PPARGC1B: variants seen among roughly 807,000 people sequenced by gnomAD.
The protein encoded by PPARGC1B is peroxisome proliferator-activated receptor gamma coactivator 1-beta.
In PPARGC1B, 34 loss-of-function variants were observed where a neutral mutation model predicts 101.6. The observed-to-expected ratio is 0.33, with a 90% CI of 0.25 to 0.45. The LOEUF is 0.45. PPARGC1B is among the 20% of genes least tolerant of loss of function. PPARGC1B has a pLI of 1.00. For synonymous variants in PPARGC1B, 548 were observed against 539.3 expected (o/e 1.02, Z -0.22); for missense variants, 1,234 against 1,317.6 (o/e 0.94, Z 0.98).
intron 2 of PPARGC1B, among the ~76,000 whole-genome samples, chr5:149,821,755 G>T (rs150071219): frequency 2.0e-5 from 3 of 152,160 alleles, no homozygotes; most frequent in African/African-American, 7.2e-5. Context: ...GGACTTTACC[G>T]TCTGTAAACA....
At chr5:149,840,235 G>T in intron 9 of PPARGC1B, 119 bp downstream of exon 9, 2 of 863,042 alleles carry the variant, frequency 2.3e-6, no homozygotes, top group Non-Finnish European at 3.6e-6. Context: ...TTCGGCCTCT[G>T]CCTGGGGAAG....
At chr5:149,738,393 G>A (rs1754801670) in intron 1 of PPARGC1B, among the ~76,000 whole-genome samples, 1 of 152,186 alleles carries the variant, frequency 6.6e-6, no homozygotes, top group African/African-American at 2.4e-5. Flanking sequence ...TCCTCATTGA[G>A]TGAATGAATA....
At chr5:149,830,055 G>GAAAAAAAAAAAAAA in intron 3 of PPARGC1B, among the ~76,000 whole-genome samples, 1 of 89,816 alleles carries the variant, frequency 1.1e-5, no homozygotes, top group African/African-American at 4.4e-5. Context: ...AAAAAAAAAA[G>GAAAAAAAAAAAAAA]AAAAAAAAAA....
chr5:149,857,828 TAAA>T (rs1759996090), downstream of PPARGC1B: 2 of 152,224 alleles, frequency 1.3e-5, no homozygotes, highest in South Asian at 4.1e-4. Context: ...CTCATGTGTC[TAAA>T]AAGAGAGATT....
At position 149,851,447 on chromosome 5, in the gene PPARGC1B, A is replaced by G. The variant is rs1389593011; in HGVS notation, c.*3889A>G. The G allele has an allele frequency of 6.6e-6, 1 of 152,226 alleles. No individual in the cohort carries two copies. Among genetic ancestry groups the G allele is most frequent in the African/African-American group, 2.4e-5 (1 of 41,446 alleles). The allele number at this position is 152,226 out of a possible 1,614,324, so 9.4% of individuals were successfully genotyped here. A position where few individuals can be genotyped will look rare whatever the true frequency, so the allele number is the denominator to read the frequency against. ...AAAATCAGCCCCAGAGGATGTATTG[A>G]TCTGACTCACTGATGTCAAAATTGC... On this transcript the variant is annotated 3_prime_UTR_variant, in exon 12 of 12. Transcript: ENST00000309241.
intron 2 of PPARGC1B, among the ~76,000 whole-genome samples, chr5:149,820,950 A>G (rs1758271149): frequency 6.6e-6 from 1 of 152,246 alleles, no homozygotes; most frequent in South Asian, 2.1e-4. Flanking sequence ...CCTGCAAGAC[A>G]GGGTCCAGTA....
At chr5:149,796,635 A>G (rs1757226058) in intron 1 of PPARGC1B, among the ~76,000 whole-genome samples, 1 of 152,184 alleles carries the variant, frequency 6.6e-6, no homozygotes, top group South Asian at 2.1e-4. Context: ...TGTATGCACC[A>G]GTATGGTGGC....
At chr5:149,776,312 T>C (rs1400544891) in intron 1 of PPARGC1B, among the ~76,000 whole-genome samples, 1 of 152,232 alleles carries the variant, frequency 6.6e-6, no homozygotes, top group Non-Finnish European at 1.5e-5. Flanking sequence ...TTTTCCTATC[T>C]GCACTACAAA....
At chr5:149,813,998 G>C (rs752485776) in intron 1 of PPARGC1B, among the ~76,000 whole-genome samples, 1 of 152,140 alleles carries the variant, frequency 6.6e-6, no homozygotes, top group African/African-American at 2.4e-5. Context: ...CTCACCATGG[G>C]GGTAAGGATT....
chr5:149,809,961 T>C (rs1003463555), intron 1 of PPARGC1B, among the ~76,000 whole-genome samples: 1 of 151,872 alleles, frequency 6.6e-6, no homozygotes, highest in African/African-American at 2.4e-5. Flanking sequence ...GAGAAGGCGT[T>C]CCAGGCTGAG....
At position 149,837,870 on chromosome 5, in the gene PPARGC1B, T is replaced by G. The variant is rs963937207; in HGVS notation, c.2618+797T>G. Among the ~76,000 whole-genome samples the G allele has an allele frequency of 6.6e-6, 1 of 152,132 alleles. No individual in the cohort carries two copies. Among genetic ancestry groups the G allele is most frequent in the African/African-American group, 2.4e-5 (1 of 41,436 alleles). On this transcript the variant is annotated intron_variant, in intron 8 of 11. Transcript: ENST00000309241. This position sits in a 1 kb window ranked among gnomAD's most constrained non-coding sequence, Gnocchi z 4.2. The stretch of plus-strand genomic sequence containing the variant: ...GTGAAGCTGAGTGGCCACTAGATGC[T>G]GCTCTTGGGCTAGAGCCCAGCTGCC...
chr5:149,857,129 C>A (rs1443583445), downstream of PPARGC1B, among the ~76,000 whole-genome samples: 4 of 152,110 alleles, frequency 2.6e-5, no homozygotes, highest in Non-Finnish European at 5.9e-5. Flanking sequence ...TGTCCTCGGG[C>A]AGGTTTTCTA....
chr5:149,794,405 G>T (rs1270427630), intron 1 of PPARGC1B, among the ~76,000 whole-genome samples: 2 of 151,990 alleles, frequency 1.3e-5, no homozygotes, highest in East Asian at 3.9e-4. Flanking sequence ...GTAGGCAAGG[G>T]GGCTGGCTTG....
At chr5:149,772,623 G>A (rs62382305) in intron 1 of PPARGC1B, among the ~76,000 whole-genome samples, 9 of 152,032 alleles carry the variant, frequency 5.9e-5, no homozygotes, top group Admixed American at 5.9e-4. Flanking sequence ...GTCTGTGTGT[G>A]CCTGTGTCCT....
At position 149,803,813 on chromosome 5, in the gene PPARGC1B, G is replaced by A. The variant is rs17653473; in HGVS notation, c.79-16620G>A. Among the ~76,000 whole-genome samples, 3 of 152,140 alleles carry A rather than the reference G, an allele frequency of 2.0e-5. 1 individual carries two copies. Among genetic ancestry groups the A allele is most frequent in the South Asian group, 4.1e-4 (2 of 4,828 alleles). Reference sequence around the variant, plus strand: ...ATTCATTGTACTCGCCCAGTTCTTCGCTCTGGAACGCACTTCTACATAAGG... The same window carrying A: ...ATTCATTGTACTCGCCCAGTTCTTCACTCTGGAACGCACTTCTACATAAGG... On this transcript the variant is annotated intron_variant, in intron 1 of 11. Transcript: ENST00000309241.
intron 1 of PPARGC1B, among the ~76,000 whole-genome samples, chr5:149,746,553 A>G (rs1469823411): frequency 2.0e-5 from 3 of 152,336 alleles, no homozygotes; most frequent in East Asian, 1.9e-4. Context: ...TGATGGTGCT[A>G]TGAACATGGG....
Position 149,842,378 on chromosome 5 carries a change from G to T in PPARGC1B, c.2816+1G>T. 2 of 1,613,588 alleles carry T rather than the reference G, an allele frequency of 1.2e-6. No homozygotes were observed. Among genetic ancestry groups the T allele is most frequent in the Non-Finnish European group, 1.7e-6 (2 of 1,179,538 alleles). On this transcript the variant is annotated splice_donor_variant, in intron 10 of 11. Transcript: ENST00000309241. LOFTEE classifies it high-confidence loss of function. ...GCGAGGTGCTGACAAGAAATAGGAGGTGAGTTGAACCAAGCCATGGCAAAT... is the reference window on the plus strand; with the variant it reads ...GCGAGGTGCTGACAAGAAATAGGAGTTGAGTTGAACCAAGCCATGGCAAAT...
At chr5:149,758,717 TC>T (rs1190004466) in intron 1 of PPARGC1B, among the ~76,000 whole-genome samples, 1 of 152,222 alleles carries the variant, frequency 6.6e-6, no homozygotes, top group Non-Finnish European at 1.5e-5. Context: ...CAGCCTTCTT[TC>T]CAGGCTCCAT....
chr5:149,784,692 C>T (rs66516126), intron 1 of PPARGC1B, among the ~76,000 whole-genome samples: 18,595 of 151,456 alleles, frequency 0.12, 1,232 homozygotes, highest in East Asian at 0.24. Context: ...CTCAGCCTCC[C>T]GAGTAGCTGG....
Sources: allele counts gnomAD v4.1 joint callset (sites outside exome capture counted in the v4.1 genomes callset), GRCh38; gene constraint gnomAD v4.1.1; non-coding constraint Gnocchi (gnomAD v3.1); transcripts MANE v1.5; gene names NCBI Gene and HGNC (gene_info 2026-07-23, HGNC 2026-07-21).